SPMAP2L: variants seen among roughly 807,000 people sequenced by gnomAD.
SPMAP2L encodes sperm microtubule associated protein 2-like.
the SPMAP2L span, chr4:56,548,866 T>C: frequency 1.5e-6 from 2 of 1,361,242 alleles, no homozygotes; most frequent in Admixed American, 2.9e-5. Flanking sequence ...CCTAAACTAA[T>C]AGGCCAGCCA....
At chr4:56,586,783 C>A in the SPMAP2L span, among the ~76,000 whole-genome samples, 50 of 152,190 alleles carry the variant, frequency 3.3e-4, no homozygotes, top group East Asian at 8.9e-3. Flanking sequence ...CCTTAGAAGT[C>A]ACATAACATT....
chr4:56,624,808 G>A, the SPMAP2L span, among the ~76,000 whole-genome samples: 2 of 152,210 alleles, frequency 1.3e-5, no homozygotes, highest in African/African-American at 4.8e-5. Context: ...TTGCTGCAGG[G>A]CGGGGCCCTC....
chr4:56,540,818 T>C, the SPMAP2L span, among the ~76,000 whole-genome samples: 1 of 152,306 alleles, frequency 6.6e-6, no homozygotes, highest in East Asian at 1.9e-4. Flanking sequence ...CAGAAAGTGA[T>C]ACTGGAATTG....
the SPMAP2L span, among the ~76,000 whole-genome samples, chr4:56,552,284 C>T: frequency 6.6e-6 from 1 of 152,194 alleles, no homozygotes; most frequent in East Asian, 1.9e-4. Flanking sequence ...TGCATTTTAC[C>T]TCAGGTCTTC....
the SPMAP2L span, among the ~76,000 whole-genome samples, chr4:56,615,483 A>G: frequency 1.3e-5 from 2 of 152,186 alleles, no homozygotes; most frequent in Non-Finnish European, 2.9e-5. Flanking sequence ...ACAGTGGGAC[A>G]CGCCTGTAAT....
At chr4:56,530,609 G>C in the SPMAP2L span, 3 of 1,491,942 alleles carry the variant, frequency 2.0e-6, no homozygotes, top group Non-Finnish European at 2.7e-6. Flanking sequence ...ATCGCGCAGA[G>C]AGCAAACTGC....
At chr4:56,594,437 C>T in the SPMAP2L span, 3 of 1,604,048 alleles carry the variant, frequency 1.9e-6, no homozygotes, top group Non-Finnish European at 2.6e-6. Context: ...ATATCAGCAG[C>T]TTTTCTGAGA....
the SPMAP2L span, among the ~76,000 whole-genome samples, chr4:56,535,368 C>G: frequency 6.6e-6 from 1 of 152,142 alleles, no homozygotes; most frequent in Non-Finnish European, 1.5e-5. Context: ...TAAAGATCGA[C>G]CCCTGACCTA....
the SPMAP2L span, among the ~76,000 whole-genome samples, chr4:56,585,883 A>G: frequency 6.6e-6 from 1 of 152,186 alleles, no homozygotes; most frequent in Non-Finnish European, 1.5e-5. Context: ...ATCAGTTTGG[A>G]AAACAAACTC....
the SPMAP2L span, among the ~76,000 whole-genome samples, chr4:56,571,267 A>G: frequency 1.3e-5 from 2 of 151,822 alleles, no homozygotes; most frequent in South Asian, 2.1e-4. Context: ...TCTGCTTGAT[A>G]TATATCCTTA....
the SPMAP2L span, among the ~76,000 whole-genome samples, chr4:56,578,415 AGAAAT>A: frequency 6.6e-6 from 1 of 152,192 alleles, no homozygotes; most frequent in Non-Finnish European, 1.5e-5. Flanking sequence ...AAAAGAAGGA[AGAAAT>A]GAAAGAACAA....
the SPMAP2L span, among the ~76,000 whole-genome samples, chr4:56,624,498 C>T: frequency 2.0e-5 from 3 of 152,288 alleles, no homozygotes; most frequent in East Asian, 1.9e-4. Flanking sequence ...TCATGGCAGC[C>T]CCTCCCATCA....
chr4:56,545,496 T>C, the SPMAP2L span, among the ~76,000 whole-genome samples: 1 of 151,830 alleles, frequency 6.6e-6, no homozygotes, highest in Non-Finnish European at 1.5e-5. Context: ...GAGGCCAAGG[T>C]AGGAGGATTG....
chr4:56,582,947 C>T, the SPMAP2L span, among the ~76,000 whole-genome samples: 1 of 152,148 alleles, frequency 6.6e-6, no homozygotes, highest in Admixed American at 6.5e-5. Flanking sequence ...AAGGCAGACA[C>T]AAAAGGCTAC....
chr4:56,585,229 A>G, the SPMAP2L span, among the ~76,000 whole-genome samples: 1 of 152,236 alleles, frequency 6.6e-6, no homozygotes, highest in East Asian at 1.9e-4. Context: ...TCATAAAATT[A>G]GATTCTGGGT....
chr4:56,616,122 G>A, the SPMAP2L span, among the ~76,000 whole-genome samples: 1 of 152,078 alleles, frequency 6.6e-6, no homozygotes, highest in Non-Finnish European at 1.5e-5. Flanking sequence ...AGTCCAGGTG[G>A]CTTAAACAAC....
At chr4:56,585,846 A>G in the SPMAP2L span, among the ~76,000 whole-genome samples, 2 of 152,240 alleles carry the variant, frequency 1.3e-5, no homozygotes, top group African/African-American at 4.8e-5. Flanking sequence ...ACCACTAGCA[A>G]TAGGATCATT....
chr4:56,537,951 C>G, the SPMAP2L span, among the ~76,000 whole-genome samples: 111 of 152,258 alleles, frequency 7.3e-4, no homozygotes, highest in Non-Finnish European at 1.4e-3. Flanking sequence ...CCTCGGCCCC[C>G]CAAAGTGCTG....
the SPMAP2L span, among the ~76,000 whole-genome samples, chr4:56,546,828 T>C: frequency 0.13 from 19,854 of 152,210 alleles, 1,338 homozygotes; most frequent in East Asian, 0.21. Context: ...ATAGAATAAG[T>C]GCTGCAACTT....
Sources: gnomAD v4.1 joint callset for allele counts (sites outside exome capture counted in the v4.1 genomes callset) on GRCh38, gnomAD v4.1.1 for gene constraint, MANE v1.5 for transcripts, NCBI Gene and HGNC (gene_info 2026-07-23, HGNC 2026-07-21) for gene names.